The following TAFA4 variants were observed in gnomAD, a reference collection of about 807,000 sequenced individuals.
TAFA4 encodes chemokine-like protein TAFA-4.
In TAFA4, 20 loss-of-function variants were observed where a neutral mutation model predicts 21.1. That is an observed-to-expected ratio of 0.95 (90% CI 0.67 to 1.38). TAFA4 has a LOEUF of 1.38. Ranked by LOEUF, TAFA4 falls within the 40% of genes most tolerant of loss-of-function variation. The pLI, the probability that TAFA4 is intolerant of heterozygous loss-of-function variation, is 0.00. For missense variants in TAFA4, 211 were observed against 180.9 expected, an observed-to-expected ratio of 1.17 and a Z score of -0.95; for synonymous variants, 71 against 67.4, an observed-to-expected ratio of 1.05 and a Z score of -0.26.
At chr3:68,860,442 C>A (rs532917177) in intron 3 of TAFA4, among the ~76,000 whole-genome samples, 1 of 152,242 alleles carries the variant, frequency 6.6e-6, no homozygotes, top group African/African-American at 2.4e-5. Context: ...TACTGGGTAA[C>A]TTGGATGATG....
intron 3 of TAFA4, among the ~76,000 whole-genome samples, chr3:68,784,781 A>C (rs930653886): frequency 2.6e-5 from 4 of 152,158 alleles, no homozygotes; most frequent in African/African-American, 4.8e-5. Flanking sequence ...GGTAGAGCCC[A>C]GTGGTTCTGT....
At chr3:68,930,781 T>A (rs535950206) in intron 1 of TAFA4, among the ~76,000 whole-genome samples, 62 of 152,330 alleles carry the variant, frequency 4.1e-4, no homozygotes, top group Admixed American at 3.0e-3. Flanking sequence ...GATATGACTA[T>A]AAACTTAGCA....
At chr3:68,899,740 G>A (rs1395626561) in intron 1 of TAFA4, among the ~76,000 whole-genome samples, 1 of 152,018 alleles carries the variant, frequency 6.6e-6, no homozygotes, top group African/African-American at 2.4e-5. Context: ...CACACTTTAG[G>A]AGACTTCCAA....
rs1317382397 is a variant in TAFA4, at chr3:68,779,888, G to A, written c.131-26870C>T. 3.3e-5 allele frequency among the ~76,000 whole-genome samples: 5 copies of A among 152,298 alleles called. No homozygotes were observed. The South Asian group carries it at 1.0e-3, about 32-fold the overall frequency. Reference sequence around the variant, plus strand: ...AGAATGGTAGATCCACCAACAGCTTGCACCGTGCTGCTGGAAAAGCTGCAG... The same window carrying A: ...AGAATGGTAGATCCACCAACAGCTTACACCGTGCTGCTGGAAAAGCTGCAG... On this transcript the variant is annotated intron_variant, in intron 3 of 5. Transcript: ENST00000295569.
Position 68,797,828 on chromosome 3 carries a change from G to A in TAFA4, c.131-44810C>T, listed in dbSNP as rs571001590. Among the ~76,000 whole-genome samples the A allele has an allele frequency of 1.2e-3, 187 of 152,184 alleles. 2 individuals carry two copies. Among genetic ancestry groups the A allele is most frequent in the African/African-American group, 4.5e-3 (185 of 41,522 alleles). On this transcript the variant is annotated intron_variant, in intron 3 of 5. Coordinates refer to ENST00000295569, the MANE Select transcript of TAFA4 (RefSeq NM_182522.5). ...ATCACCCTCAGTTATTATTTAATGG[G>A]TACAGAGTTTCAGCTTTGTAAAATG...
At chr3:68,874,222 G>A (rs181012861) in intron 3 of TAFA4, among the ~76,000 whole-genome samples, 1 of 152,134 alleles carries the variant, frequency 6.6e-6, no homozygotes, top group African/African-American at 2.4e-5. Flanking sequence ...GGCCTTAGTA[G>A]TCAAATTGTT....
At chr3:68,872,792 G>A (rs533393030) in intron 3 of TAFA4, among the ~76,000 whole-genome samples, 4 of 152,280 alleles carry the variant, frequency 2.6e-5, no homozygotes, top group African/African-American at 4.8e-5. Flanking sequence ...GGTAGGGGAT[G>A]TTGTAATACT....
chr3:68,782,510 GAATA>G (rs1220887363), intron 3 of TAFA4, among the ~76,000 whole-genome samples: 2 of 152,012 alleles, frequency 1.3e-5, no homozygotes, highest in Non-Finnish European at 2.9e-5. Flanking sequence ...ATGGATGAAT[GAATA>G]AATAAAATGT....
chr3:68,929,999 A>G (rs1179912221), intron 1 of TAFA4, among the ~76,000 whole-genome samples: 1 of 152,258 alleles, frequency 6.6e-6, no homozygotes, highest in Admixed American at 6.5e-5. Context: ...TATCACATGC[A>G]TCAACATGCC....
At chr3:68,891,610 TA>T (rs1455717843) in intron 1 of TAFA4, among the ~76,000 whole-genome samples, 2 of 152,216 alleles carry the variant, frequency 1.3e-5, no homozygotes, top group Non-Finnish European at 2.9e-5. Context: ...GATATTGTGG[TA>T]AATCATTTTT....
chr3:68,826,235 T>A (rs1402448341), intron 3 of TAFA4, among the ~76,000 whole-genome samples: 1 of 152,170 alleles, frequency 6.6e-6, no homozygotes, highest in African/African-American at 2.4e-5. Context: ...ACCATAGCTA[T>A]TTGATTACAC....
intron 1 of TAFA4, among the ~76,000 whole-genome samples, chr3:68,900,118 G>A (rs939392897): frequency 6.7e-6 from 1 of 150,268 alleles, no homozygotes; most frequent in African/African-American, 2.4e-5. Context: ...AGCTGGCTGT[G>A]GTGATCCCAG....
At chr3:68,898,847 C>G (rs1485827786) in intron 1 of TAFA4, among the ~76,000 whole-genome samples, 3 of 152,068 alleles carry the variant, frequency 2.0e-5, no homozygotes, top group Non-Finnish European at 4.4e-5. Context: ...TAGTGGTAGA[C>G]TCAGGATTCC....
At chr3:68,875,476 C>A (rs907990046) in intron 3 of TAFA4, among the ~76,000 whole-genome samples, 1 of 152,092 alleles carries the variant, frequency 6.6e-6, no homozygotes, top group Admixed American at 6.5e-5. Context: ...TAAACCATTC[C>A]ACAGTCTTTT....
At chr3:68,788,826 T>C (rs1030532051) in intron 3 of TAFA4, among the ~76,000 whole-genome samples, 12 of 152,216 alleles carry the variant, frequency 7.9e-5, no homozygotes, top group African/African-American at 2.9e-4. Context: ...GATCTCACTA[T>C]GTCACTCAGC....
chr3:68,750,355 C>A (rs952509895), intron 4 of TAFA4, among the ~76,000 whole-genome samples: 1 of 152,182 alleles, frequency 6.6e-6, no homozygotes, highest in Non-Finnish European at 1.5e-5. Context: ...ACATGGAATG[C>A]TATGGAGCAA....
chr3:68,908,013 T>C (rs1424571859), intron 1 of TAFA4, among the ~76,000 whole-genome samples: 1 of 152,204 alleles, frequency 6.6e-6, no homozygotes, highest in Non-Finnish European at 1.5e-5. Context: ...CATTTTTTCA[T>C]ACTCACTGAA....
chr3:68,922,727 C>G (rs1318486710), intron 1 of TAFA4, among the ~76,000 whole-genome samples: 3 of 152,174 alleles, frequency 2.0e-5, no homozygotes, highest in African/African-American at 7.2e-5. Context: ...AGGAATCCTG[C>G]CATTCCTTTT....
chr3:68,758,321 TGAATC>T (rs1702698106), intron 3 of TAFA4, among the ~76,000 whole-genome samples: 2 of 152,230 alleles, frequency 1.3e-5, no homozygotes, highest in African/African-American at 4.8e-5. Flanking sequence ...AATCTCATCT[TGAATC>T]GAAGCTCCCA....
Sources: gnomAD v4.1 joint callset for allele counts (sites outside exome capture counted in the v4.1 genomes callset) on GRCh38, gnomAD v4.1.1 for gene constraint, MANE v1.5 for transcripts, NCBI Gene and HGNC (gene_info 2026-07-23, HGNC 2026-07-21) for gene names.